PHC1: variants seen among roughly 807,000 people sequenced by gnomAD.
PHC1 encodes the protein polyhomeotic-like protein 1.
In PHC1, 12 loss-of-function variants were observed where a neutral mutation model predicts 104.3. The observed-to-expected ratio is 0.12, with a 90% CI of 0.07 to 0.19. PHC1 has a LOEUF of 0.19. PHC1 is among the 10% of genes least tolerant of loss of function. The pLI, the probability that PHC1 is intolerant of heterozygous loss-of-function variation, is 1.00. For synonymous variants in PHC1, 302 were observed against 455.8 expected, an observed-to-expected ratio of 0.66 and a Z score of 4.30; for missense variants, 671 against 1,200.0, an observed-to-expected ratio of 0.56 and a Z score of 6.51.
At chr12:8,930,283 G>A (rs1945644815) in intron 6 of PHC1, 152 bp from the exon 7 acceptor site, 1 of 1,168,134 alleles carries the variant, frequency 8.6e-7, no homozygotes, top group Non-Finnish European at 1.2e-6. Flanking sequence ...TCCTTAGGAG[G>A]TAGGAAGGCC....
In PHC1 at chr12:8,919,307, C is replaced by T. The variant is rs1464051500; in HGVS notation, c.115-449C>T. 6.6e-6 allele frequency among the ~76,000 whole-genome samples: 1 copy of T among 152,136 alleles called. No individual in the cohort carries two copies. Among genetic ancestry groups the T allele is most frequent in the African/African-American group, 2.4e-5 (1 of 41,414 alleles). ...AACTCCCGACCTCAGGTGATCTGCC[C>T]TCCTAGGCCTCCCAAAGTGCTGGGA... On this transcript the variant is annotated intron_variant, in intron 2 of 14. Coordinates refer to ENST00000544916, the MANE Select transcript of PHC1 (RefSeq NM_004426.3). This position sits in a 1 kb window ranked among gnomAD's most constrained non-coding sequence, Gnocchi z 4.9.
intron 6 of PHC1, among the ~76,000 whole-genome samples, chr12:8,924,901 G>A (rs1006493433): frequency 2.6e-5 from 4 of 152,320 alleles, no homozygotes; most frequent in African/African-American, 9.6e-5. Context: ...CTGGAGAAGA[G>A]AAGTTAGGGA....
chr12:8,930,291 G>T, intron 6 of PHC1, 144 bp from the exon 7 acceptor site: 1 of 1,240,304 alleles, frequency 8.1e-7, no homozygotes. Flanking sequence ...AGGTAGGAAG[G>T]CCTTAAAGTA....
At chr12:8,927,853 T>TTTTCTTTCTTTCTTTCTTTC (rs71045227) in intron 6 of PHC1, among the ~76,000 whole-genome samples, 8 of 110,882 alleles carry the variant, frequency 7.2e-5, no homozygotes, top group South Asian at 6.3e-4. Flanking sequence ...ACTGTACTAG[T>TTTTCTTTCTTTCTTTCTTTC]TTTCTTTCTT....
Position 8,922,772 on chromosome 12 carries a change from A to T in PHC1, c.596A>T (p.His199Leu), listed in dbSNP as rs1288690986. ...EVPSAQSPGV[H>L]ADADQVQNLA... ...CCATCTGCTCAGTCTCCTGGAGTTC[A>T]TGCAGATGCAGATCAGGTTAGTGGC... The change falls in exon 6 of 15, where the codon CAT becomes CTT. Residue 199 changes from histidine to leucine, a missense_variant. Physicochemically the swap from His to Leu is moderately conservative, Grantham distance 99. Around this residue, in one of 9 missense-constraint regions of PHC1, gnomAD observed 237 missense variants for 331.1 expected, o/e 0.72. Coordinates refer to ENST00000544916, the MANE Select transcript of PHC1 (RefSeq NM_004426.3). 2.4e-5 allele frequency: 38 copies of T among 1,612,746 alleles called. No individual in the cohort carries two copies. The highest frequency in any genetic ancestry group is 3.2e-5 in the Non-Finnish European group (38 of 1,179,572).
intron 4 of PHC1, among the ~76,000 whole-genome samples, chr12:8,921,277 A>G (rs145200548): frequency 6.6e-6 from 1 of 152,292 alleles, no homozygotes; most frequent in African/African-American, 2.4e-5. Flanking sequence ...GAGGAAAGAA[A>G]ATCCTGGGGA....
chr12:8,933,712 G>A (rs1945755535), intron 8 of PHC1, 153 bp from the exon 9 acceptor site: 1 of 663,170 alleles, frequency 1.5e-6, no homozygotes. Flanking sequence ...AAAGTTACTA[G>A]GAATGACCAG....
intron 6 of PHC1, among the ~76,000 whole-genome samples, chr12:8,926,887 C>T (rs769590842): frequency 6.6e-6 from 1 of 152,004 alleles, no homozygotes; most frequent in South Asian, 2.1e-4. Flanking sequence ...TGTACTCCAG[C>T]CTGGGCAACG....
intron 10 of PHC1, 103 bp from the exon 11 acceptor site, chr12:8,935,021 A>G (rs1945794020): frequency 9.6e-6 from 6 of 624,516 alleles, no homozygotes; most frequent in Middle Eastern, 8.7e-4. Flanking sequence ...TCATTAACTC[A>G]GAGATCCAAG....
intron 6 of PHC1, among the ~76,000 whole-genome samples, chr12:8,923,747 A>G (rs988723688): frequency 1.3e-5 from 2 of 150,064 alleles, no homozygotes; most frequent in African/African-American, 2.4e-5. Flanking sequence ...CGAGAATGGC[A>G]TGAACCCGGG....
intron 5 of PHC1, 128 bp downstream of exon 5, chr12:8,921,878 A>T: frequency 1.2e-6 from 1 of 844,850 alleles, no homozygotes; most frequent in Non-Finnish European, 1.8e-6. Context: ...CAGTGGCACA[A>T]TAATGGCTCA....
chr12:8,931,422 G>A (rs773626656), intron 7 of PHC1, among the ~76,000 whole-genome samples: 12 of 152,266 alleles, frequency 7.9e-5, no homozygotes, highest in East Asian at 3.9e-4. Context: ...ATGGAGAGGC[G>A]GGGTGCGGTG....
intron 6 of PHC1, among the ~76,000 whole-genome samples, chr12:8,927,031 C>A (rs1945532387): frequency 6.6e-6 from 1 of 152,098 alleles, no homozygotes; most frequent in Non-Finnish European, 1.5e-5. Context: ...GACAGAGGGT[C>A]GTGGGCTGAC....
intron 10 of PHC1, 98 bp from the exon 11 acceptor site, chr12:8,935,026 T>C (rs139543020): frequency 5.6e-4 from 358 of 640,160 alleles, no homozygotes; most frequent in African/African-American, 5.5e-3. Flanking sequence ...AACTCAGAGA[T>C]CCAAGCAGAG....
chr12:8,917,809 G>A lies in PHC1; in HGVS notation c.114+18G>A. 1 of 1,314,432 alleles carries A rather than the reference G, an allele frequency of 7.6e-7. No individual in the cohort carries two copies. The highest frequency in any genetic ancestry group is 1.1e-6 in the Non-Finnish European group (1 of 927,854). The allele number at this position is 1,314,432 out of a possible 1,614,324, so 81.4% of individuals were successfully genotyped here. A position where few individuals can be genotyped will look rare whatever the true frequency, so the allele number is the denominator to read the frequency against. ...CAGTGCAGGTGAGACTCAGCTCTGA[G>A]GGGCCATGGTCTGTGAGTCTTGGCT... On this transcript the variant is annotated intron_variant, in intron 2 of 14. Transcript: ENST00000544916.
chr12:8,921,396 G>C (rs1285343701), intron 4 of PHC1, among the ~76,000 whole-genome samples: 2 of 152,072 alleles, frequency 1.3e-5, no homozygotes, highest in Non-Finnish European at 2.9e-5. Flanking sequence ...CTAGTGGTTA[G>C]AGACTGTTGG....
intron 7 of PHC1, among the ~76,000 whole-genome samples, chr12:8,931,634 AG>A (rs1274030360): frequency 1.3e-5 from 2 of 152,188 alleles, no homozygotes; most frequent in Non-Finnish European, 1.5e-5. Context: ...CGGTTGGCAG[AG>A]GTTGCAGTGA....
chr12:8,923,778 C>G (rs532076085), intron 6 of PHC1, among the ~76,000 whole-genome samples: 230 of 140,160 alleles, frequency 1.6e-3, no homozygotes, highest in Non-Finnish European at 2.8e-3. Flanking sequence ...TGCAGTAAGC[C>G]GAGATCATGC....
At chr12:8,917,860 T>C (rs1263991417) in intron 2 of PHC1, 69 bp downstream of exon 2, 3 of 793,080 alleles carry the variant, frequency 3.8e-6, no homozygotes, top group Non-Finnish European at 4.0e-6. Context: ...TGCTGGAAAA[T>C]AATTGTACTC....
Sources: gnomAD v4.1 joint callset for allele counts (sites outside exome capture counted in the v4.1 genomes callset) on GRCh38, gnomAD v4.1.1 for gene constraint, gnomAD v4.1.1 regional missense constraint, Gnocchi (gnomAD v3.1) non-coding constraint, MANE v1.5 for transcripts, NCBI Gene and HGNC (gene_info 2026-07-23, HGNC 2026-07-21) for gene names.